Variants in TYW1B observed in about 807,000 individuals in gnomAD.
TYW1B encodes the protein S-adenosyl-L-methionine-dependent tRNA 4-demethylwyosine synthase TYW1B.
A neutral mutation model predicts 86.9 loss-of-function variants in TYW1B; 73 were observed. The ratio of observed to expected loss-of-function variants is 0.84; its 90% CI spans 0.70 to 1.02. TYW1B has a LOEUF of 1.02. Among genes scored for constraint, TYW1B ranks in the 50% least tolerant of loss-of-function variants. The probability of loss-of-function intolerance (pLI) is 0.00; values close to 1 mark genes in which losing one functional copy is unlikely to be tolerated. For synonymous variants in TYW1B, 248 were observed against 292.8 expected (o/e 0.85, Z 1.56); for missense variants, 637 against 827.4 (o/e 0.77, Z 2.82).
chr7:72,766,742 C>A (rs1295036629), intron 7 of TYW1B, among the ~76,000 whole-genome samples: 5 of 151,402 alleles, frequency 3.3e-5, no homozygotes, highest in African/African-American at 1.2e-4. Flanking sequence ...GCCTGGCCAA[C>A]AAGGTGAAAC....
At chr7:72,669,956 T>C (rs1156515574) in intron 11 of TYW1B, among the ~76,000 whole-genome samples, 1 of 150,158 alleles carries the variant, frequency 6.7e-6, no homozygotes, top group Non-Finnish European at 1.5e-5. Context: ...AATAAATAAA[T>C]AAATAAATAA....
chr7:72,606,087 G>A (rs1240351114), intron 13 of TYW1B, among the ~76,000 whole-genome samples: 1 of 152,124 alleles, frequency 6.6e-6, no homozygotes, highest in Non-Finnish European at 1.5e-5. Flanking sequence ...TAGGGGCCTT[G>A]GGATCTGAGG....
At chr7:72,712,618 G>A (rs1334219706) in intron 10 of TYW1B, among the ~76,000 whole-genome samples, 7 of 152,188 alleles carry the variant, frequency 4.6e-5, no homozygotes, top group South Asian at 2.1e-4. Context: ...ATGAGCCACC[G>A]CGCCTGGCTT....
chr7:72,652,378 A>C (rs1295522171), intron 11 of TYW1B, among the ~76,000 whole-genome samples: 1 of 33,850 alleles, frequency 3.0e-5, no homozygotes, highest in Non-Finnish European at 7.5e-5. Context: ...ACTCTGTCTG[A>C]AAAAAAAAAA....
Position 72,575,165 on chromosome 7 carries a change from C to G in TYW1B, c.*333G>C. ...AGGGATTTCTTCCTTGTCTGACACT[C>G]TCAGGACTAGCATTCTGGCAGGTCT... On this transcript the variant is annotated 3_prime_UTR_variant, in exon 14 of 14. Transcript: ENST00000620995. 1 of 1,103,396 alleles carries G rather than the reference C, an allele frequency of 9.1e-7. No homozygotes were observed. 68.4% of individuals were successfully genotyped at this position (1,103,396 alleles called of 1,614,324 possible).
chr7:72,721,638 GCA>G (rs1235861967), intron 9 of TYW1B, among the ~76,000 whole-genome samples: 164 of 150,602 alleles, frequency 1.1e-3, no homozygotes, highest in Middle Eastern at 6.8e-3. Context: ...ACACACACAC[GCA>G]CACACACACA....
At position 72,821,715 on chromosome 7, in the gene TYW1B, C is replaced by G. The variant is rs183481849; in HGVS notation, c.135+5140G>C. ...AGAACAAACAGAATCTGCTGACAAA[C>G]TGGACATGGGTTGTATAAAAAGAAG... On this transcript the variant is annotated intron_variant, in intron 2 of 13. Coordinates refer to ENST00000620995, the MANE Select transcript of TYW1B (RefSeq NM_001145440.3). Among the ~76,000 whole-genome samples, 629 of 152,182 alleles carry G rather than the reference C, an allele frequency of 4.1e-3. 2 individuals are homozygous for G. Among genetic ancestry groups the G allele is most frequent in the South Asian group, 0.011 (52 of 4,828 alleles).
intron 11 of TYW1B, among the ~76,000 whole-genome samples, chr7:72,639,109 A>G (rs1479843709): frequency 2.0e-5 from 3 of 152,174 alleles, no homozygotes; most frequent in African/African-American, 7.2e-5. Flanking sequence ...TATTACTCTG[A>G]GAAAAAAAGT....
At chr7:72,703,838 G>A (rs1814548666) in intron 10 of TYW1B, among the ~76,000 whole-genome samples, 1 of 151,076 alleles carries the variant, frequency 6.6e-6, no homozygotes. Context: ...CTGGGTGACA[G>A]GGTGAGACCC....
chr7:72,708,306 A>G (rs13224801), intron 10 of TYW1B, among the ~76,000 whole-genome samples: 4 of 152,196 alleles, frequency 2.6e-5, no homozygotes, highest in African/African-American at 9.6e-5. Flanking sequence ...CTTAGAAAAA[A>G]AAATTCTAAT....
At chr7:72,703,317 C>T (rs1814535872) in intron 10 of TYW1B, among the ~76,000 whole-genome samples, 1 of 151,710 alleles carries the variant, frequency 6.6e-6, no homozygotes. Flanking sequence ...AGCCACCGCA[C>T]CCAGCTTATC....
At chr7:72,735,738 C>T (rs1361954593) in intron 8 of TYW1B, among the ~76,000 whole-genome samples, 4 of 151,600 alleles carry the variant, frequency 2.6e-5, no homozygotes, top group Admixed American at 6.6e-5. Context: ...GGCTTGGTGG[C>T]GTGTGCCTGT....
intron 2 of TYW1B, among the ~76,000 whole-genome samples, chr7:72,821,116 GCA>G (rs1554480393): frequency 1.3e-5 from 2 of 152,194 alleles, no homozygotes; most frequent in Non-Finnish European, 2.9e-5. Flanking sequence ...GGGATTACAG[GCA>G]TGTGCCACCA....
At chr7:72,626,080 G>T (rs1272353451) in intron 12 of TYW1B, among the ~76,000 whole-genome samples, 8 of 151,608 alleles carry the variant, frequency 5.3e-5, no homozygotes, top group Non-Finnish European at 8.8e-5. Context: ...TATATTTTCA[G>T]CTGCAGTTTG....
At chr7:72,634,578 G>A (rs373438020) in intron 11 of TYW1B, among the ~76,000 whole-genome samples, 7 of 150,326 alleles carry the variant, frequency 4.7e-5, no homozygotes, top group African/African-American at 1.7e-4. Flanking sequence ...GTATACATTC[G>A]ACCTTAGCAG....
At chr7:72,766,070 A>G (rs1197894760) in intron 7 of TYW1B, among the ~76,000 whole-genome samples, 1 of 152,212 alleles carries the variant, frequency 6.6e-6, no homozygotes, top group Non-Finnish European at 1.5e-5. Flanking sequence ...TTTTGTATCG[A>G]TTCATTAAAT....
intron 2 of TYW1B, among the ~76,000 whole-genome samples, chr7:72,815,888 G>A (rs368642971): frequency 6.6e-6 from 1 of 151,908 alleles, no homozygotes; most frequent in African/African-American, 2.4e-5. Flanking sequence ...AATTAGCCAG[G>A]TGTGATGGTA....
At chr7:72,706,198 G>A (rs1391837678) in intron 10 of TYW1B, among the ~76,000 whole-genome samples, 1 of 152,114 alleles carries the variant, frequency 6.6e-6, no homozygotes, top group East Asian at 1.9e-4. Flanking sequence ...GGAGGCCGAG[G>A]TGGGGAGATC....
chr7:72,593,782 ACTG>A (rs1811459355), intron 13 of TYW1B, among the ~76,000 whole-genome samples: 1 of 142,326 alleles, frequency 7.0e-6, no homozygotes, highest in South Asian at 2.3e-4. Flanking sequence ...AGATCACGCC[ACTG>A]CACTCCAGCC....
Sources: allele counts gnomAD v4.1 joint callset (sites outside exome capture counted in the v4.1 genomes callset), GRCh38; gene constraint gnomAD v4.1.1; transcripts MANE v1.5; gene names NCBI Gene and HGNC (gene_info 2026-07-23, HGNC 2026-07-21).